The following GBP1 variants were observed in gnomAD, a reference collection of about 807,000 sequenced individuals.
GBP1 encodes guanylate-binding protein 1.
A neutral mutation model predicts 69.5 loss-of-function variants in GBP1; 64 were observed. The ratio of observed to expected loss-of-function variants is 0.92; its 90% CI spans 0.75 to 1.13. GBP1 has a LOEUF of 1.13. GBP1 is among the 50% of genes most tolerant of loss of function. The pLI, the probability that GBP1 is intolerant of heterozygous loss-of-function variation, is 0.00. For synonymous variants in GBP1, 250 were observed against 261.2 expected (o/e 0.96, Z 0.41); for missense variants, 630 against 704.1 (o/e 0.89, Z 1.19).
chr1:89,056,068 T>C lies in GBP1; in HGVS notation c.1316A>G (p.Lys439Arg). The change falls in exon 8 of 11, where the codon AAG (lysine) becomes AGG (arginine). Residue 439 changes from lysine (K) to arginine (R), a missense_variant. This residue lies in a region of GBP1 where 367 missense variants were observed against 369.5 expected (regional missense o/e 0.99). Coordinates refer to ENST00000370473, the MANE Select transcript of GBP1 (RefSeq NM_002053.3). ...GTACTTTTTCTTCAGGTCTTGTAGC[T>C]TCTGAACAAAGAGACGATAGCCCCC... is the stretch of plus-strand genomic sequence containing the variant. The part of the protein sequence containing the change: ...KPGGYRLFVQ[K>R]LQDLKKKYYE... 1 of 1,613,970 alleles carries C rather than the reference T, an allele frequency of 6.2e-7. No homozygotes were observed. Among genetic ancestry groups the C allele is most frequent in the Non-Finnish European group, 8.5e-7 (1 of 1,179,854 alleles).
At position 89,054,696 on chromosome 1, in the gene GBP1, C is replaced by G. The variant is rs374861818; in HGVS notation, c.1651G>C (p.Ala551Pro). 4 of 1,613,744 alleles carry G rather than the reference C, an allele frequency of 2.5e-6. No homozygotes were observed. The highest frequency in any genetic ancestry group is 1.3e-5 in the African/African-American group (1 of 75,032). The part of the protein sequence containing the change: ...QLLKEQERTL[A>P]LKLQEQEQLL... Reference sequence around the variant, plus strand: ...CAATTAGATACCTGAAGTTTAAGAGCGAGGGTCCTCTCTTGCTCTTTCAGC... The same window carrying G: ...CAATTAGATACCTGAAGTTTAAGAGGGAGGGTCCTCTCTTGCTCTTTCAGC... Residue 551 changes from alanine to proline, a missense_variant, in exon 10 of 11, where the codon GCT (alanine) becomes CCT (proline). Coordinates refer to ENST00000370473, the MANE Select transcript of GBP1 (RefSeq NM_002053.3).
chr1:89,057,008 T>A lies in GBP1; in HGVS notation c.1001A>T (p.His334Leu). 1.2e-6 allele frequency: 2 copies of A among 1,614,246 alleles called. No individual in the cohort carries two copies. Among genetic ancestry groups the A allele is most frequent in the South Asian group, 1.1e-5 (1 of 91,088 alleles). ...NSAAVQKAIA[H>L]YEQQMGQKVQ... ...CTTCTGGCCCATCTGCTGTTCATAG[T>A]GGGCAATAGCCTTTTGCACTGCAGC... Residue 334 changes from histidine (H) to leucine (L), a missense_variant, in exon 7 of 11, where the codon CAC (histidine) becomes CTC (leucine). By Grantham distance (99) the His-to-Leu change is moderately conservative. Coordinates refer to ENST00000370473, the MANE Select transcript of GBP1 (RefSeq NM_002053.3).
intron 2 of GBP1, 24 bp from the exon 3 acceptor site, chr1:89,060,348 C>T (rs191255112): frequency 6.6e-6 from 10 of 1,523,266 alleles, no homozygotes; most frequent in South Asian, 1.3e-5. Flanking sequence ...AGGAGACCAG[C>T]GATGGGGATT....
Position 89,064,117 on chromosome 1 carries a change from G to C in GBP1, c.-19-864C>G, listed in dbSNP as rs182157166. On this transcript the variant is annotated intron_variant, in intron 1 of 10. Transcript: ENST00000370473. ...AGCTTTAGGATTTCTGTTTTGTTCTGTTTTCCATTTGGTAGGGTAGGAGAA... is the reference window on the plus strand; with the variant it reads ...AGCTTTAGGATTTCTGTTTTGTTCTCTTTTCCATTTGGTAGGGTAGGAGAA... Among the ~76,000 whole-genome samples, 16 of 152,004 alleles carry C rather than the reference G, an allele frequency of 1.1e-4. No individual in the cohort carries two copies. The East Asian group carries it at 2.5e-3, about 24-fold the overall frequency.
intron 2 of GBP1, among the ~76,000 whole-genome samples, chr1:89,061,921 C>G (rs1310883553): frequency 1.3e-5 from 2 of 151,800 alleles, no homozygotes; most frequent in African/African-American, 4.8e-5. Context: ...CATCACTAGT[C>G]ATTACGGAAA....
chr1:89,058,268 T>C, intron 5 of GBP1, 34 bp from the exon 6 acceptor site: 1 of 1,534,728 alleles, frequency 6.5e-7, no homozygotes, highest in Non-Finnish European at 8.8e-7. Context: ...TAAAATTGCC[T>C]AATATAAGTG....
In GBP1 at chr1:89,060,197, C is replaced by T; in HGVS notation, c.318G>A (p.Lys106=). ...CCACAACTGGATCCTTGAGTCTCAC[C>T]TTCTCTACATCTCCCAGACCCTCGG... is the stretch of plus-strand genomic sequence containing the variant. The part of the protein sequence containing the change: ...LDTEGLGDVE[K]GDNQNDSWIF... Residue 106 remains lysine, a splice_region_variant and synonymous_variant, in exon 3 of 11, where the codon AAG becomes AAA. Coordinates refer to ENST00000370473, the MANE Select transcript of GBP1 (RefSeq NM_002053.3). 6.3e-7 allele frequency: 1 copy of T among 1,593,090 alleles called. No individual in the cohort carries two copies. The highest frequency in any genetic ancestry group is 1.1e-5 in the South Asian group (1 of 87,490).
intron 1 of GBP1, among the ~76,000 whole-genome samples, chr1:89,064,097 T>C (rs531276121): frequency 6.6e-6 from 1 of 152,202 alleles, no homozygotes; most frequent in Non-Finnish European, 1.5e-5. Context: ...GATACAGCTT[T>C]AGGATTTCTG....
chr1:89,063,277 A>T, intron 1 of GBP1, 24 bp from the exon 2 acceptor site: 1 of 1,587,696 alleles, frequency 6.3e-7, no homozygotes. Flanking sequence ...GGTGAAATAC[A>T]TGAGAATTTC....
chr1:89,060,147 A>G (rs760102174), intron 3 of GBP1, 50 bp downstream of exon 3: 121 of 1,524,382 alleles, frequency 7.9e-5, no homozygotes, highest in Admixed American at 7.2e-4. Context: ...CGCTGCATAA[A>G]ATATTCAGAG....
chr1:89,061,124 T>C (rs1201230051), intron 2 of GBP1, among the ~76,000 whole-genome samples: 1 of 152,230 alleles, frequency 6.6e-6, no homozygotes, highest in Non-Finnish European at 1.5e-5. Context: ...CAAAGTGATG[T>C]ACAGGTTTGA....
rs1680222244 is a variant in GBP1, at chr1:89,062,381, A to G, written c.190+664T>C. Among the ~76,000 whole-genome samples the G allele has an allele frequency of 2.0e-5, 3 of 152,230 alleles. No individual in the cohort carries two copies. In the South Asian group the frequency reaches 6.2e-4, roughly 31 times the overall value. On this transcript the variant is annotated intron_variant, in intron 2 of 10. Transcript: ENST00000370473. ...ACTGATGAACCTTGAAGACATATGAATTGAAATAAGCCAGTCATAAAAGGA... is the reference window on the plus strand; with the variant it reads ...ACTGATGAACCTTGAAGACATATGAGTTGAAATAAGCCAGTCATAAAAGGA...
In GBP1 at chr1:89,058,195, A is replaced by C; in HGVS notation, c.671T>G (p.Leu224Arg). Residue 224 changes from leucine to arginine, a missense_variant, in exon 6 of 11, where the codon CTC becomes CGC. Physicochemically the swap from Leu to Arg is moderately radical, Grantham distance 102 (BLOSUM62 -2). Coordinates refer to ENST00000370473, the MANE Select transcript of GBP1 (RefSeq NM_002053.3). Reference sequence around the variant, plus strand: ...CTTTGGGAAGAATTTCCGGATACAGAGTCTGGGCAGGTTAAAAGTTTCATC... The same window carrying C: ...CTTTGGGAAGAATTTCCGGATACAGCGTCTGGGCAGGTTAAAAGTTTCATC... ...QKDETFNLPR[L>R]CIRKFFPKKK... The C allele has an allele frequency of 1.2e-6, 2 of 1,610,394 alleles. No individual in the cohort carries two copies. The highest frequency in any genetic ancestry group is 1.7e-6 in the Non-Finnish European group (2 of 1,178,544).
Position 89,058,156 on chromosome 1 carries a change from A to T in GBP1, c.710T>A (p.Val237Asp). The T allele has an allele frequency of 6.2e-7, 1 of 1,614,086 alleles. No homozygotes were observed. The highest frequency in any genetic ancestry group is 1.3e-5 in the African/African-American group (1 of 75,036). The change falls in exon 6 of 11, where the codon GTC becomes GAC. Residue 237 changes from valine to aspartate, a missense_variant. By Grantham distance (152) the Val-to-Asp change is radical. Transcript: ENST00000370473. ...CCTGCGGTGAACGGGCCGATCAAAG[A>T]CAAAGCATTTTTTCTTTGGGAAGAA... is the stretch of plus-strand genomic sequence containing the variant. ...RKFFPKKKCF[V>D]FDRPVHRRKL...
chr1:89,061,879 A>G (rs939639751), intron 2 of GBP1, among the ~76,000 whole-genome samples: 4 of 152,188 alleles, frequency 2.6e-5, no homozygotes, highest in Admixed American at 2.6e-4. Flanking sequence ...AAGATATACA[A>G]GTGGCCAATA....
At position 89,053,381 on chromosome 1, in the gene GBP1, G is replaced by T; in HGVS notation, c.1753C>A (p.Arg585=). Reference sequence around the variant, plus strand: ...TAGCTTATGGTACATGCCTTTCGTCGTCTCATTTTCGTCTGGAGATCCTGT... The same window carrying T: ...TAGCTTATGGTACATGCCTTTCGTCTTCTCATTTTCGTCTGGAGATCCTGT... ...EIQDLQTKMR[R]RKACTIS Residue 585 remains arginine (R), a synonymous_variant, in exon 11 of 11, where the codon CGA becomes AGA. Transcript: ENST00000370473. The T allele has an allele frequency of 6.2e-7, 1 of 1,613,378 alleles. No homozygotes were observed. The highest frequency in any genetic ancestry group is 8.5e-7 in the Non-Finnish European group (1 of 1,179,858).
In GBP1 at chr1:89,060,224, G is replaced by GT. The variant is rs1680146413; in HGVS notation, c.290dup (p.Asp97GlufsTer12). The GT allele has an allele frequency of 6.2e-7, 1 of 1,603,152 alleles. No homozygotes were observed. Among genetic ancestry groups the GT allele is most frequent in the African/African-American group, 1.3e-5 (1 of 74,362 alleles). ...TCTCTACATCTCCCAGACCCTCGGT[G>GT]TCCAGCAGAACTAGGATGTGGCCTG... is the stretch of plus-strand genomic sequence containing the variant. On this transcript the variant is annotated frameshift_variant, in exon 3 of 11. Coordinates refer to ENST00000370473, the MANE Select transcript of GBP1 (RefSeq NM_002053.3). LOFTEE classifies it high-confidence loss of function.
At chr1:89,054,578 C>T (rs1365277418) in intron 10 of GBP1, 104 bp downstream of exon 10, 52 of 1,026,240 alleles carry the variant, frequency 5.1e-5, no homozygotes, top group Middle Eastern at 2.1e-4. Flanking sequence ...CAAGCAGGGT[C>T]CTTACCCTGG....
At chr1:89,054,116 T>G (rs1016661834) in intron 10 of GBP1, among the ~76,000 whole-genome samples, 4 of 152,210 alleles carry the variant, frequency 2.6e-5, no homozygotes, top group African/African-American at 9.7e-5. Context: ...TACAGATTTT[T>G]TTTTTTGGAG....
Sources: allele counts gnomAD v4.1 joint callset (sites outside exome capture counted in the v4.1 genomes callset), GRCh38; gene constraint gnomAD v4.1.1; regional missense constraint gnomAD v4.1.1; transcripts MANE v1.5; gene names NCBI Gene and HGNC (gene_info 2026-07-23, HGNC 2026-07-21).